The following PTPRT variants were observed in gnomAD, a reference collection of about 807,000 sequenced individuals.
The protein encoded by PTPRT is protein tyrosine phosphatase receptor type T, also known as receptor-type tyrosine-protein phosphatase T.
Under a neutral mutation model 176.8 loss-of-function variants are expected in PTPRT, and 56 were observed. That is an observed-to-expected ratio of 0.32 (90% CI 0.26 to 0.40). PTPRT has a LOEUF of 0.40. Among genes scored for constraint, PTPRT ranks in the 10% least tolerant of loss-of-function variants. The pLI is 1.00. For synonymous variants in PTPRT, 783 were observed against 739.0 expected (o/e 1.06, Z -0.96); for missense variants, 1,540 against 1,908.2 (o/e 0.81, Z 3.60).
chr20:42,965,631 T>C (rs1982247855), intron 1 of PTPRT, among the ~76,000 whole-genome samples: 2 of 152,146 alleles, frequency 1.3e-5, no homozygotes, highest in South Asian at 4.2e-4. Context: ...CCCAATAATC[T>C]TAACCAGAAA....
At chr20:42,228,475 A>T (rs1186272888) in intron 15 of PTPRT, among the ~76,000 whole-genome samples, 1 of 152,222 alleles carries the variant, frequency 6.6e-6, no homozygotes, top group African/African-American at 2.4e-5. Context: ...GTGCATTTAT[A>T]TCTATTAATA....
At chr20:42,433,070 G>C (rs914342811) in intron 9 of PTPRT, among the ~76,000 whole-genome samples, 2 of 152,146 alleles carry the variant, frequency 1.3e-5, no homozygotes, top group Non-Finnish European at 2.9e-5. Flanking sequence ...GTGGGACTCT[G>C]ACACGGACAT....
chr20:42,311,354 G>T (rs762298976), intron 12 of PTPRT, among the ~76,000 whole-genome samples: 1 of 152,134 alleles, frequency 6.6e-6, no homozygotes, highest in African/African-American at 2.4e-5. Context: ...GATAGTAAAG[G>T]TTGAATTCAT....
At chr20:43,096,052 A>C (rs1264773938) in intron 1 of PTPRT, among the ~76,000 whole-genome samples, 106 of 29,478 alleles carry the variant, frequency 3.6e-3, no homozygotes, top group African/African-American at 4.7e-3. Context: ...CTCCCCTCCC[A>C]CCTGCCTCCT....
chr20:42,176,581 T>C (rs747728460), intron 16 of PTPRT, among the ~76,000 whole-genome samples: 1 of 152,182 alleles, frequency 6.6e-6, no homozygotes, highest in Non-Finnish European at 1.5e-5. Flanking sequence ...TGCACACTTA[T>C]GGGAAGATGT....
chr20:42,857,457 T>G (rs549747559), intron 2 of PTPRT, among the ~76,000 whole-genome samples: 21 of 151,030 alleles, frequency 1.4e-4, no homozygotes, highest in African/African-American at 3.7e-4. Flanking sequence ...TTTTCTCTCT[T>G]GTCTATTCTT....
rs6029958 is a variant in PTPRT, at chr20:42,075,419, C to T, written c.*5460G>A. The T allele has an allele frequency of 0.041, 9,387 of 227,110 alleles. 818 individuals carry two copies. The highest frequency in any genetic ancestry group is 0.19 in the African/African-American group (8,595 of 45,040). 14.1% of individuals were successfully genotyped at this position (227,110 alleles called of 1,614,324 possible). A position where few individuals can be genotyped will look rare whatever the true frequency, so the allele number is the denominator to read the frequency against. ...ACCTGTTGACATGACTTAGGAACAG[C>T]GTCCTGTTCATGCTTCCTCTTGGGC... On this transcript the variant is annotated 3_prime_UTR_variant, in exon 31 of 31. Transcript: ENST00000373187.
chr20:42,348,319 A>G (rs1265984137), intron 11 of PTPRT, among the ~76,000 whole-genome samples: 1 of 152,190 alleles, frequency 6.6e-6, no homozygotes, highest in Non-Finnish European at 1.5e-5. Context: ...GAGGAAAAGC[A>G]GCCAGACATT....
At chr20:43,020,312 G>A (rs897031935) in intron 1 of PTPRT, among the ~76,000 whole-genome samples, 2 of 150,974 alleles carry the variant, frequency 1.3e-5, no homozygotes, top group African/African-American at 4.9e-5. Context: ...AAAAAATGTA[G>A]AACAAAATAC....
At chr20:42,897,078 G>A (rs576084877) in intron 1 of PTPRT, among the ~76,000 whole-genome samples, 144 of 152,226 alleles carry the variant, frequency 9.5e-4, no homozygotes, top group Admixed American at 1.1e-3. Flanking sequence ...GGCAGGGCAC[G>A]TTCCAATTAG....
At chr20:42,474,111 T>C (rs1165188826) in intron 7 of PTPRT, among the ~76,000 whole-genome samples, 2 of 152,182 alleles carry the variant, frequency 1.3e-5, no homozygotes, top group African/African-American at 4.8e-5. Context: ...GCAGTAATAG[T>C]AATAATATAT....
intron 12 of PTPRT, among the ~76,000 whole-genome samples, chr20:42,299,529 A>C (rs117182483): frequency 0.057 from 8,600 of 152,104 alleles, 323 homozygotes; most frequent in Middle Eastern, 0.11. Context: ...TATGAATAAT[A>C]ATGAAGTTAA....
intron 2 of PTPRT, among the ~76,000 whole-genome samples, chr20:42,873,659 A>G (rs1446584575): frequency 6.6e-6 from 1 of 152,026 alleles, no homozygotes; most frequent in East Asian, 1.9e-4. Context: ...AACATTATTA[A>G]TAAGATGTTT....
chr20:42,980,408 C>T (rs1294271979), intron 1 of PTPRT, among the ~76,000 whole-genome samples: 3 of 152,212 alleles, frequency 2.0e-5, no homozygotes, highest in African/African-American at 4.8e-5. Context: ...TTCGTGACCC[C>T]TTCTTGCTCT....
At chr20:43,086,209 C>A (rs778599709) in intron 1 of PTPRT, among the ~76,000 whole-genome samples, 3 of 152,152 alleles carry the variant, frequency 2.0e-5, no homozygotes, top group Non-Finnish European at 4.4e-5. Flanking sequence ...AAGGGCCAAC[C>A]AACCCGCTGT....
intron 7 of PTPRT, among the ~76,000 whole-genome samples, chr20:42,672,506 A>T (rs1261357937): frequency 6.6e-5 from 10 of 152,098 alleles, no homozygotes; most frequent in Non-Finnish European, 1.5e-4. Flanking sequence ...AAGAACCCTG[A>T]CTAATACAAC....
chr20:42,949,268 G>A (rs190683882), intron 1 of PTPRT, among the ~76,000 whole-genome samples: 37 of 152,244 alleles, frequency 2.4e-4, no homozygotes, highest in African/African-American at 4.8e-4. Flanking sequence ...CCAATAGAAC[G>A]CAGTAGTAGT....
At chr20:42,315,627 T>C (rs1325732454) in intron 12 of PTPRT, 96 bp downstream of exon 12, 17 of 1,437,854 alleles carry the variant, frequency 1.2e-5, no homozygotes, top group Admixed American at 2.2e-5. Context: ...CGGGCCTTAG[T>C]TTTTCATCCT....
At chr20:42,648,820 G>GTTGTTTTTTTTTTT (rs1310734163) in intron 7 of PTPRT, among the ~76,000 whole-genome samples, 1 of 111,834 alleles carries the variant, frequency 8.9e-6, no homozygotes, top group African/African-American at 3.7e-5. Context: ...TGGTGTCGTT[G>GTTGTTTTTTTTTTT]TTTTTTTTTT....
Sources: gnomAD v4.1 joint callset for allele counts (sites outside exome capture counted in the v4.1 genomes callset) on GRCh38, gnomAD v4.1.1 for gene constraint, MANE v1.5 for transcripts, NCBI Gene and HGNC (gene_info 2026-07-23, HGNC 2026-07-21) for gene names.